Variants in PLXNB1 observed in about 807,000 individuals in gnomAD.
PLXNB1 encodes the protein plexin-B1.
In PLXNB1, 106 loss-of-function variants were observed where a neutral mutation model predicts 209.4. The ratio of observed to expected loss-of-function variants is 0.51; its 90% CI spans 0.43 to 0.59. The LOEUF is 0.59. PLXNB1 is among the 20% of genes least tolerant of loss of function. The probability of loss-of-function intolerance (pLI) is 0.00; values close to 1 mark genes in which losing one functional copy is unlikely to be tolerated. For synonymous variants in PLXNB1, 1,167 were observed against 1,183.2 expected (o/e 0.99, Z 0.28); for missense variants, 2,357 against 2,853.2 (o/e 0.83, Z 3.96).
rs1002581065 is a variant in PLXNB1 at position 48,411,453 on chromosome 3, C to T, written c.5247+410G>A. ...GGGGTTTCCCACAGGAACCCTTGTG[C>T]GTAACTAAGGGGAAAGCAAACCCAG... is the stretch of plus-strand genomic sequence containing the variant. On this transcript the variant is annotated intron_variant, in intron 28 of 37. Transcript: ENST00000296440. This position sits in a 1 kb window ranked among gnomAD's most constrained non-coding sequence, Gnocchi z 4.0. Among the ~76,000 whole-genome samples, 1 of 152,140 alleles carries T rather than the reference C, an allele frequency of 6.6e-6. No homozygotes were observed. The highest frequency in any genetic ancestry group is 1.5e-5 in the Non-Finnish European group (1 of 68,030).
Position 48,411,752 on chromosome 3 carries a change from AC to A in PLXNB1, c.5247+110del. ...GCCAGCCAGAGGTCAACCCAGCTCT[AC>A]ATCCAGGTACCACATCAGAAGCTGG... On this transcript the variant is annotated intron_variant, in intron 28 of 37. Transcript: ENST00000296440. This position sits in a 1 kb window ranked among gnomAD's most constrained non-coding sequence, Gnocchi z 4.0. 16 of 1,268,796 alleles carry A rather than the reference AC, an allele frequency of 1.3e-5. No individual in the cohort carries two copies. The highest frequency in any genetic ancestry group is 1.8e-5 in the Non-Finnish European group (16 of 900,032). The allele number at this position is 1,268,796 out of a possible 1,614,324, so 78.6% of individuals were successfully genotyped here. A position where few individuals can be genotyped will look rare whatever the true frequency, so the allele number is the denominator to read the frequency against.
Position 48,409,710 on chromosome 3 carries a change from C to T in PLXNB1, c.5800G>A (p.Asp1934Asn). ...SMKGTLQKFV[D>N]DLFQVILSTS... ...CTGAGAATCACCTGGAACAGGTCAT[C>T]CACGAACTTCTGCAGGGTGCCCTGT... Residue 1934 changes from aspartate to asparagine, a missense_variant, in exon 33 of 38, where the codon GAT becomes AAT. Around this residue, in one of 7 missense-constraint regions of PLXNB1, gnomAD observed 414 missense variants for 520.5 expected, o/e 0.80. Transcript: ENST00000296440. The surrounding 1 kb of genome is among the most constrained non-coding windows in gnomAD (Gnocchi z 5.8). 1 of 1,613,724 alleles carries T rather than the reference C, an allele frequency of 6.2e-7. No homozygotes were observed. The highest frequency in any genetic ancestry group is 8.5e-7 in the Non-Finnish European group (1 of 1,179,974).
intron 26 of PLXNB1, 34 bp from the exon 27 acceptor site, chr3:48,412,338 G>C: frequency 6.2e-7 from 1 of 1,613,142 alleles, no homozygotes; most frequent in South Asian, 1.1e-5. Context: ...GCCAGGGTCA[G>C]CAGGTGGGGC....
rs2037629782 is a variant in PLXNB1 at position 48,410,803 on chromosome 3, G to A, written c.5416+65C>T. 3 of 1,481,392 alleles carry A rather than the reference G, an allele frequency of 2.0e-6. No homozygotes were observed. The highest frequency in any genetic ancestry group is 3.9e-5 in the Admixed American group (2 of 50,962). The allele number at this position is 1,481,392 out of a possible 1,614,324, so 91.8% of individuals were successfully genotyped here. On this transcript the variant is annotated intron_variant, in intron 29 of 37. Coordinates refer to ENST00000296440, the MANE Select transcript of PLXNB1 (RefSeq NM_001130082.3). This position sits in a 1 kb window ranked among gnomAD's most constrained non-coding sequence, Gnocchi z 6.4. The stretch of plus-strand genomic sequence containing the variant: ...CTGAGTGATGAGTTGTCCCTGCAGA[G>A]TTGGTCCGGGGCCAGCCCAGGCCCA...
rs575418807 is a variant in PLXNB1, at chr3:48,426,433, C to A, written c.-59-1100G>T. On this transcript the variant is annotated intron_variant, in intron 1 of 37. Transcript: ENST00000296440. ...CCCCTACTTGCCTGTGCCCAGGCCA[C>A]GTTGCCCAGCCCCTCCCATCACCCA... Among the ~76,000 whole-genome samples, 17 of 152,372 alleles carry A rather than the reference C, an allele frequency of 1.1e-4. No homozygotes were observed. The South Asian group carries it at 2.7e-3, about 24-fold the overall frequency.
intron 25 of PLXNB1, 59 bp from the exon 26 acceptor site, chr3:48,412,679 G>A: frequency 6.2e-7 from 1 of 1,605,976 alleles, no homozygotes; most frequent in Non-Finnish European, 8.5e-7. Context: ...GGCGGGCTCA[G>A]AAACCATGCC....
At position 48,418,927 on chromosome 3, in the gene PLXNB1, T is replaced by C; in HGVS notation, c.2945A>G (p.Gln982Arg). The change falls in exon 13 of 38, where the codon CAG (glutamine) becomes CGG (arginine). Residue 982 changes from glutamine (Q) to arginine (R), a missense_variant. By Grantham distance (43) the Gln-to-Arg change is conservative. This residue lies in a region of PLXNB1 where 410 missense variants were observed against 401.0 expected (regional missense o/e 1.02). Coordinates refer to ENST00000296440, the MANE Select transcript of PLXNB1 (RefSeq NM_001130082.3). This position sits in a 1 kb window ranked among gnomAD's most constrained non-coding sequence, Gnocchi z 6.6. ...PPDTQCHVTC[Q>R]QHQLSYEALQ... ...GCTCATGGTGTGCACCTGGTGCTGCTGGCAGGTGACATGGCACTGGGTATC... is the reference window on the plus strand; with the variant it reads ...GCTCATGGTGTGCACCTGGTGCTGCCGGCAGGTGACATGGCACTGGGTATC... 4.3e-6 allele frequency: 7 copies of C among 1,614,010 alleles called. No individual in the cohort carries two copies. Among genetic ancestry groups the C allele is most frequent in the Non-Finnish European group, 5.9e-6 (7 of 1,180,002 alleles).
rs1462349605 is a variant in PLXNB1, at chr3:48,411,856, C to T, written c.5247+7G>A. ...AGACTGCAGGCCACACACTTGCACA[C>T]CCTCACCAGGGGACGGTACTCCACA... On this transcript the variant is annotated splice_region_variant and intron_variant, in intron 28 of 37. Transcript: ENST00000296440. The surrounding 1 kb of genome is among the most constrained non-coding windows in gnomAD (Gnocchi z 4.0). The T allele has an allele frequency of 6.2e-7, 1 of 1,613,460 alleles. No homozygotes were observed. Among genetic ancestry groups the T allele is most frequent in the Non-Finnish European group, 8.5e-7 (1 of 1,179,692 alleles).
At chr3:48,423,049 T>A in intron 3 of PLXNB1, 102 bp from the exon 4 acceptor site, 1 of 1,006,422 alleles carries the variant, frequency 9.9e-7, no homozygotes, top group South Asian at 1.6e-5. Flanking sequence ...CTCTGGTAGC[T>A]CTCCCTGTAC....
Position 48,410,791 on chromosome 3 carries a change from T to TG in PLXNB1, c.5416+76dup. The TG allele has an allele frequency of 7.2e-7, 1 of 1,397,822 alleles. No individual in the cohort carries two copies. The highest frequency in any genetic ancestry group is 1.4e-5 in the African/African-American group (1 of 70,006). 86.6% of individuals were successfully genotyped at this position (1,397,822 alleles called of 1,614,324 possible). A position where few individuals can be genotyped will look rare whatever the true frequency, so the allele number is the denominator to read the frequency against. ...ATCCTCCCCACCCTGAGTGATGAGT[T>TG]GTCCCTGCAGAGTTGGTCCGGGGCC... On this transcript the variant is annotated intron_variant, in intron 29 of 37. Transcript: ENST00000296440. This position sits in a 1 kb window ranked among gnomAD's most constrained non-coding sequence, Gnocchi z 6.4.
Position 48,414,861 on chromosome 3 carries a change from GTGGCTGCAGGGT to G in PLXNB1, c.4135_4146del (p.Thr1379_Pro1382del). The G allele has an allele frequency of 6.2e-7, 1 of 1,614,120 alleles. No individual in the cohort carries two copies. Among genetic ancestry groups the G allele is most frequent in the Non-Finnish European group, 8.5e-7 (1 of 1,180,038 alleles). ...GGCATGGTGGGGTCCTCAGGGTTGA[GTGGCTGCAGGGT>G]GGGGTCGGCCTCATAGGAGAAAGGT... On this transcript the variant is annotated inframe_deletion, in exon 21 of 38. Coordinates refer to ENST00000296440, the MANE Select transcript of PLXNB1 (RefSeq NM_001130082.3).
Position 48,421,200 on chromosome 3 carries a change from C to T in PLXNB1, c.1810+28G>A, listed in dbSNP as rs1285412433. 8 of 1,607,884 alleles carry T rather than the reference C, an allele frequency of 5.0e-6. No homozygotes were observed. The African/African-American group carries it at 5.4e-5, about 11-fold the overall frequency. On this transcript the variant is annotated intron_variant, in intron 8 of 37. Coordinates refer to ENST00000296440, the MANE Select transcript of PLXNB1 (RefSeq NM_001130082.3). The stretch of plus-strand genomic sequence containing the variant: ...ATCCCCTGAAGCAGGGGCTGGCCCC[C>T]ACCAGGCTGGCCCATTCTCTCACCC...
Position 48,410,622 on chromosome 3 carries a change from C to A in PLXNB1, c.5417-64G>T. 7.3e-7 allele frequency: 1 copy of A among 1,365,986 alleles called. No homozygotes were observed. The highest frequency in any genetic ancestry group is 1.0e-6 in the Non-Finnish European group (1 of 960,978). 84.6% of individuals were successfully genotyped at this position (1,365,986 alleles called of 1,614,324 possible). A position where few individuals can be genotyped will look rare whatever the true frequency, so the allele number is the denominator to read the frequency against. On this transcript the variant is annotated intron_variant, in intron 29 of 37. Coordinates refer to ENST00000296440, the MANE Select transcript of PLXNB1 (RefSeq NM_001130082.3). The surrounding 1 kb of genome is among the most constrained non-coding windows in gnomAD (Gnocchi z 6.4). ...ATACCCTTCCCATAGTGGAGCCCAT[C>A]TCCTCCTCCACAGGGACACCAGCCC... is the stretch of plus-strand genomic sequence containing the variant.
chr3:48,422,597 C>G (rs542728173), intron 4 of PLXNB1, 138 bp from the exon 5 acceptor site: 14 of 1,277,414 alleles, frequency 1.1e-5, no homozygotes, highest in Non-Finnish European at 1.5e-5. Context: ...ACTGGCCTAG[C>G]GGGGATGGAG....
At position 48,418,682 on chromosome 3, in the gene PLXNB1, C is replaced by A. The variant is rs956861891; in HGVS notation, c.2956-140G>T. 2.5e-5 allele frequency: 22 copies of A among 888,030 alleles called. No homozygotes were observed. The African/African-American group carries it at 3.2e-4, about 13-fold the overall frequency. The allele number at this position is 888,030 out of a possible 1,614,324, so 55.0% of individuals were successfully genotyped here. ...CCCCATGGGGCCACAAGTTGGAGGG[C>A]AGAGCCAGAAATGGAGTATGGGGAC... On this transcript the variant is annotated intron_variant, in intron 13 of 37. Coordinates refer to ENST00000296440, the MANE Select transcript of PLXNB1 (RefSeq NM_001130082.3). The surrounding 1 kb of genome is among the most constrained non-coding windows in gnomAD (Gnocchi z 6.6).
chr3:48,422,073 G>A (rs1453301274), intron 6 of PLXNB1, 32 bp downstream of exon 6: 2 of 1,571,140 alleles, frequency 1.3e-6, no homozygotes, highest in Admixed American at 1.7e-5. Flanking sequence ...GTGGGCTTGA[G>A]GCTGGGGCTG....
chr3:48,422,428 G>A lies in PLXNB1; in HGVS notation c.1322C>T (p.Pro441Leu). The A allele has an allele frequency of 6.3e-7, 1 of 1,598,930 alleles. No homozygotes were observed. The change falls in exon 5 of 38, where the codon CCA becomes CTA. Residue 441 changes from proline (P) to leucine (L), a missense_variant. Pro to Leu is a moderately conservative substitution (Grantham distance 98). Around this residue, in one of 7 missense-constraint regions of PLXNB1, gnomAD observed 404 missense variants for 443.6 expected, o/e 0.91. Transcript: ENST00000296440. ...CTGCTGGATGCTCTGTGTGGAGTAT[G>A]GGTGGCCATCGCTCCCTGGGCCCAA... ...VYLGPGSDGH[P>L]YSTQSIQQGS...
chr3:48,412,839 T>G lies in PLXNB1; in HGVS notation c.4757A>C (p.His1586Pro). ...GCTCTCAGGCACACCCAGGTCCCGGTGCAAGGGCGACTCGCGGTGCCCAGG... is the reference window on the plus strand; with the variant it reads ...GCTCTCAGGCACACCCAGGTCCCGGGGCAAGGGCGACTCGCGGTGCCCAGG... ...FFPGHRESPL[H>P]RDLGVPESRR... is the part of the protein sequence containing the mutation. The change falls in exon 25 of 38, where the codon CAC (histidine) becomes CCC (proline). Residue 1586 changes from histidine (H) to proline (P), a missense_variant. Physicochemically the swap from His to Pro is moderately conservative, Grantham distance 77. Coordinates refer to ENST00000296440, the MANE Select transcript of PLXNB1 (RefSeq NM_001130082.3). The G allele has an allele frequency of 6.2e-7, 1 of 1,613,566 alleles. No individual in the cohort carries two copies. Among genetic ancestry groups the G allele is most frequent in the Non-Finnish European group, 8.5e-7 (1 of 1,179,968 alleles).
Position 48,412,901 on chromosome 3 carries a change from G to A in PLXNB1, c.4695C>T (p.Phe1565=). 1.9e-6 allele frequency: 3 copies of A among 1,614,112 alleles called. No individual in the cohort carries two copies. Among genetic ancestry groups the A allele is most frequent in the Non-Finnish European group, 2.5e-6 (3 of 1,180,028 alleles). The part of the protein sequence containing the change: ...TSDLLGSGIP[F]LDYKVYAERI... The stretch of plus-strand genomic sequence containing the variant: ...TCTCCGCATACACCTTGTAGTCGAG[G>A]AAGGGGATGCCGCTGCCCAGGAGGT... Residue 1565 remains phenylalanine (F), a synonymous_variant, in exon 25 of 38, where the codon TTC becomes TTT. Transcript: ENST00000296440.
Sources: gnomAD v4.1 joint callset for allele counts (sites outside exome capture counted in the v4.1 genomes callset) on GRCh38, gnomAD v4.1.1 for gene constraint, gnomAD v4.1.1 regional missense constraint, Gnocchi (gnomAD v3.1) non-coding constraint, MANE v1.5 for transcripts, NCBI Gene and HGNC (gene_info 2026-07-23, HGNC 2026-07-21) for gene names.